ABCB10: variants seen among roughly 807,000 people sequenced by gnomAD.
The protein encoded by ABCB10 is ATP binding cassette subfamily B member 10.
Under a neutral mutation model 65.4 loss-of-function variants are expected in ABCB10, and 54 were observed. That is an observed-to-expected ratio of 0.83 (90% confidence interval 0.66 to 1.04). The LOEUF (loss-of-function observed/expected upper bound fraction) is 1.04. Among genes scored for constraint, ABCB10 ranks in the 50% least tolerant of loss-of-function variants. The pLI, the probability that ABCB10 is intolerant of heterozygous loss-of-function variation, is 0.00. For synonymous variants in ABCB10, 418 were observed against 406.5 expected, an observed-to-expected ratio of 1.03 and a Z score of -0.34; for missense variants, 846 against 976.6, an observed-to-expected ratio of 0.87 and a Z score of 1.78.
chr1:229,529,331 A>AAAAAAAC (rs1662523246), intron 8 of ABCB10, among the ~76,000 whole-genome samples: 1 of 116,300 alleles, frequency 8.6e-6, no homozygotes, highest in Non-Finnish European at 1.8e-5. Flanking sequence ...AAAAAAAAAG[A>AAAAAAAC]AAATCCCTAC....
At chr1:229,542,998 G>T (rs1662887054) in intron 3 of ABCB10, among the ~76,000 whole-genome samples, 2 of 151,980 alleles carry the variant, frequency 1.3e-5, no homozygotes. Flanking sequence ...GGGTGTTGGG[G>T]CACGTGCCTG....
chr1:229,526,323 C>A (rs990881851), intron 9 of ABCB10, among the ~76,000 whole-genome samples: 1 of 152,226 alleles, frequency 6.6e-6, no homozygotes, highest in Non-Finnish European at 1.5e-5. Context: ...TTGTAAATGT[C>A]AGTCCCCTGC....
intron 1 of ABCB10, among the ~76,000 whole-genome samples, chr1:229,553,000 C>T (rs1571980139): frequency 2.6e-5 from 4 of 152,252 alleles, no homozygotes; most frequent in African/African-American, 9.6e-5. Context: ...GCAGAGACCT[C>T]ATGGGTGCAC....
At chr1:229,522,877 G>A (rs1375482237) in intron 10 of ABCB10, among the ~76,000 whole-genome samples, 1 of 152,076 alleles carries the variant, frequency 6.6e-6, no homozygotes, top group African/African-American at 2.4e-5. Context: ...TGAGACAAGA[G>A]TCTTGCTCTG....
At chr1:229,555,082 A>C (rs1274754876) in intron 1 of ABCB10, among the ~76,000 whole-genome samples, 1 of 152,216 alleles carries the variant, frequency 6.6e-6, no homozygotes, top group Non-Finnish European at 1.5e-5. Flanking sequence ...CGGAGGGGAT[A>C]CATGTGTGCA....
intron 11 of ABCB10, chr1:229,519,137 G>T: frequency 3.0e-6 from 1 of 331,570 alleles, no homozygotes; most frequent in South Asian, 6.1e-5. Flanking sequence ...GGAGTTGCAT[G>T]GCTGCTAAAG....
At chr1:229,535,035 C>A (rs912014108) in intron 6 of ABCB10, 1 of 71,544 alleles carries the variant, frequency 1.4e-5, no homozygotes, top group Non-Finnish European at 2.6e-5. Context: ...ATGAGACTCC[C>A]TTTAAAAAAA....
In ABCB10 at chr1:229,547,718, G is replaced by T; in HGVS notation, c.719-17C>A. The T allele has an allele frequency of 6.2e-7, 1 of 1,613,348 alleles. No individual in the cohort carries two copies. Among genetic ancestry groups the T allele is most frequent in the South Asian group, 1.1e-5 (1 of 91,006 alleles). On this transcript the variant is annotated splice_polypyrimidine_tract_variant and intron_variant, in intron 2 of 12. Transcript: ENST00000344517. ...TGCGCTGACCTGCAAAAGCAAACAC[G>T]AACAGGCTCACCAAGGGTAAAGACA...
chr1:229,542,214 C>G, intron 4 of ABCB10, 23 bp downstream of exon 4: 1 of 1,611,566 alleles, frequency 6.2e-7, no homozygotes, highest in South Asian at 1.1e-5. Context: ...CTGGAAACCA[C>G]GCGGACAGGA....
chr1:229,541,004 T>C (rs140319630), intron 4 of ABCB10, among the ~76,000 whole-genome samples: 192 of 152,254 alleles, frequency 1.3e-3, no homozygotes, highest in Non-Finnish European at 2.5e-3. Context: ...AAAAAATCTA[T>C]ACCTAAACAT....
At chr1:229,537,501 G>C (rs1662746241) in intron 6 of ABCB10, among the ~76,000 whole-genome samples, 1 of 152,084 alleles carries the variant, frequency 6.6e-6, no homozygotes, top group Admixed American at 6.5e-5. Flanking sequence ...AAACATAAAA[G>C]CATGGCTGGG....
intron 9 of ABCB10, among the ~76,000 whole-genome samples, chr1:229,526,880 T>C (rs542021904): frequency 4.6e-5 from 7 of 152,310 alleles, no homozygotes; most frequent in Admixed American, 2.0e-4. Flanking sequence ...TGCAGAATAG[T>C]AGACTGTGGC....
At chr1:229,537,981 A>G (rs906678868) in intron 6 of ABCB10, among the ~76,000 whole-genome samples, 5 of 152,138 alleles carry the variant, frequency 3.3e-5, no homozygotes, top group Non-Finnish European at 7.3e-5. Context: ...ACACTGACCT[A>G]CCCATATTTT....
chr1:229,546,897 T>G (rs1241663903), intron 3 of ABCB10, among the ~76,000 whole-genome samples: 1 of 150,086 alleles, frequency 6.7e-6, no homozygotes, highest in African/African-American at 2.4e-5. Context: ...AAATTAAAAT[T>G]AAAAAAAAAA....
Position 229,549,283 on chromosome 1 carries a change from C to A in ABCB10, c.669G>T (p.Leu223=), listed in dbSNP as rs778808133. 3 of 1,614,016 alleles carry A rather than the reference C, an allele frequency of 1.9e-6. No homozygotes were observed. In the South Asian group the frequency reaches 3.3e-5, roughly 18 times the overall value. ...RLCLGLSAVF[L]CGAAANAIRV... ...GAATGGCATTGGCGGCAGCACCACA[C>A]AGAAACACGGCACTGAGCCCTAGGC... Residue 223 remains leucine, a synonymous_variant, in exon 2 of 13, where the codon CTG becomes CTT. Transcript: ENST00000344517.
intron 10 of ABCB10, among the ~76,000 whole-genome samples, chr1:229,523,591 A>G (rs1385415734): frequency 6.6e-6 from 1 of 152,126 alleles, no homozygotes; most frequent in Non-Finnish European, 1.5e-5. Flanking sequence ...GTAGGTCCTT[A>G]GAGCAGCCTG....
At chr1:229,529,664 T>A (rs1379374816) in intron 8 of ABCB10, among the ~76,000 whole-genome samples, 1 of 98,974 alleles carries the variant, frequency 1.0e-5, no homozygotes, top group Non-Finnish European at 1.9e-5. Flanking sequence ...AGCAAGACTG[T>A]CTCAAAAAAA....
At chr1:229,551,805 G>A (rs1419753807) in intron 1 of ABCB10, among the ~76,000 whole-genome samples, 5 of 152,226 alleles carry the variant, frequency 3.3e-5, no homozygotes, top group African/African-American at 1.2e-4. Context: ...TCCAGAAAGA[G>A]TCATCCTGGC....
intron 5 of ABCB10, 134 bp downstream of exon 5, chr1:229,540,472 C>A (rs1180765401): frequency 9.1e-5 from 83 of 909,566 alleles, no homozygotes; most frequent in Non-Finnish European, 1.1e-4. Flanking sequence ...TAAAGAAAGT[C>A]ATTCTTGGCC....
Sources: gnomAD v4.1 joint callset for allele counts (sites outside exome capture counted in the v4.1 genomes callset) on GRCh38, gnomAD v4.1.1 for gene constraint, MANE v1.5 for transcripts, NCBI Gene and HGNC (gene_info 2026-07-23, HGNC 2026-07-21) for gene names.